The following DLG2 variants were observed in gnomAD, a reference collection of about 807,000 sequenced individuals.
DLG2 encodes the protein disks large homolog 2.
A neutral mutation model predicts 132.5 loss-of-function variants in DLG2; 45 were observed. The observed-to-expected ratio is 0.34, with a 90% CI of 0.27 to 0.44. The LOEUF (loss-of-function observed/expected upper bound fraction) is 0.44, where lower values mean the gene tolerates loss of function less well. DLG2 is among the 20% of genes least tolerant of loss of function. The pLI is 1.00. For missense variants in DLG2, 1,045 were observed against 1,196.9 expected (o/e 0.87, Z 1.87); for synonymous variants, 424 against 419.6 (o/e 1.01, Z -0.13).
At chr11:84,976,239 G>C (rs924225238) in intron 6 of DLG2, among the ~76,000 whole-genome samples, 1 of 152,156 alleles carries the variant, frequency 6.6e-6, no homozygotes, top group Admixed American at 6.6e-5. Context: ...ATGGGAAGTT[G>C]ATACATGTTT....
Position 84,777,309 on chromosome 11 carries a change from A to G in DLG2, c.358-242578T>C, listed in dbSNP as rs867376679. ...TATATATATATATATATATATATAT[A>G]TATATATATATATATACGTTTTCTT... On this transcript the variant is annotated intron_variant, in intron 6 of 27. Coordinates refer to ENST00000376104, the MANE Select transcript of DLG2 (RefSeq NM_001142699.3). Among the ~76,000 whole-genome samples, 35 of 134,910 alleles carry G rather than the reference A, an allele frequency of 2.6e-4. 1 individual carries two copies. Among genetic ancestry groups the G allele is most frequent in the African/African-American group, 9.2e-4 (34 of 36,910 alleles). The allele number at this position is 134,910 out of a possible 152,430, so 88.5% of individuals were successfully genotyped here.
At chr11:83,964,928 C>T (rs1193508829) in intron 13 of DLG2, among the ~76,000 whole-genome samples, 1 of 151,992 alleles carries the variant, frequency 6.6e-6, no homozygotes, top group African/African-American at 2.4e-5. Context: ...AATCATAGAG[C>T]TACCTCTGGT....
At chr11:84,947,489 G>A (rs1021780434) in intron 6 of DLG2, among the ~76,000 whole-genome samples, 5 of 152,260 alleles carry the variant, frequency 3.3e-5, no homozygotes, top group African/African-American at 1.2e-4. Context: ...CCCACTTATA[G>A]TTAGGCTGCC....
At chr11:84,398,660 A>G (rs1211875901) in intron 7 of DLG2, among the ~76,000 whole-genome samples, 1 of 152,214 alleles carries the variant, frequency 6.6e-6, no homozygotes, top group Non-Finnish European at 1.5e-5. Flanking sequence ...TTTTAGATGG[A>G]CAGCAAAGGT....
intron 3 of DLG2, among the ~76,000 whole-genome samples, chr11:85,396,363 T>C (rs1364624469): frequency 1.3e-5 from 2 of 152,050 alleles, no homozygotes; most frequent in South Asian, 2.1e-4. Context: ...AGAGAGCACC[T>C]CTTTTCCTCC....
At chr11:83,663,979 T>C (rs1168549263) in intron 18 of DLG2, among the ~76,000 whole-genome samples, 1 of 152,204 alleles carries the variant, frequency 6.6e-6, no homozygotes, top group Non-Finnish European at 1.5e-5. Context: ...TCATCCTGAT[T>C]CCTGATACTT....
chr11:84,226,293 C>T (rs780107308), intron 8 of DLG2, among the ~76,000 whole-genome samples: 13 of 152,144 alleles, frequency 8.5e-5, no homozygotes, highest in Admixed American at 3.9e-4. Context: ...TTGTTTGTAA[C>T]AGCAGATTAC....
intron 6 of DLG2, among the ~76,000 whole-genome samples, chr11:84,901,843 C>A (rs976074326): frequency 6.6e-6 from 1 of 151,898 alleles, no homozygotes; most frequent in Non-Finnish European, 1.5e-5. Flanking sequence ...ATTCTATAGC[C>A]ATTTCTATTG....
rs555481880 is a variant in DLG2 at position 84,325,284 on chromosome 11, C to T, written c.520-73993G>A. ...GGTGAAGGTTTTTTACATAGGTATA[C>T]GTGTGCCATGTTGGTTTGCTGCACC... On this transcript the variant is annotated intron_variant, in intron 7 of 27. Transcript: ENST00000376104. 3.9e-5 allele frequency among the ~76,000 whole-genome samples: 6 copies of T among 152,058 alleles called. No individual in the cohort carries two copies. The South Asian group carries it at 1.0e-3, about 26-fold the overall frequency.
At chr11:84,177,128 G>C (rs2095993520) in intron 8 of DLG2, among the ~76,000 whole-genome samples, 1 of 152,040 alleles carries the variant, frequency 6.6e-6, no homozygotes, top group African/African-American at 2.4e-5. Flanking sequence ...GAGAAGAGAT[G>C]GAAGAAAATT....
Position 84,896,488 on chromosome 11 carries a change from C to A in DLG2, c.357+215173G>T, listed in dbSNP as rs546596075. ...ATAAGAGAAGGTGTAATCCATTTAA[C>A]AAGTATTTACTGAGTAACAATGATA... On this transcript the variant is annotated intron_variant, in intron 6 of 27. Transcript: ENST00000376104. Among the ~76,000 whole-genome samples the A allele has an allele frequency of 1.5e-3, 225 of 152,140 alleles. 1 individual carries two copies. Among genetic ancestry groups the A allele is most frequent in the African/African-American group, 5.2e-3 (214 of 41,534 alleles).
chr11:84,860,465 G>A (rs1355886879), intron 6 of DLG2, among the ~76,000 whole-genome samples: 1 of 152,022 alleles, frequency 6.6e-6, no homozygotes, highest in African/African-American at 2.4e-5. Context: ...TGTATGGACT[G>A]GGATTTTCTA....
chr11:84,914,421 C>T (rs907390383), intron 6 of DLG2, among the ~76,000 whole-genome samples: 11 of 152,198 alleles, frequency 7.2e-5, no homozygotes, highest in African/African-American at 9.7e-5. Context: ...ATATTCACTG[C>T]ATTAATACTA....
intron 6 of DLG2, among the ~76,000 whole-genome samples, chr11:84,659,315 T>C (rs1039137882): frequency 5.9e-5 from 9 of 152,128 alleles, no homozygotes; most frequent in African/African-American, 2.2e-4. Context: ...GTGGGCTCTC[T>C]ATTCTGCCCC....
intron 18 of DLG2, among the ~76,000 whole-genome samples, chr11:83,719,173 T>C (rs1457733169): frequency 6.6e-6 from 1 of 152,170 alleles, no homozygotes; most frequent in African/African-American, 2.4e-5. Flanking sequence ...GAAAAGTCTG[T>C]AGGTGTATGC....
chr11:84,291,655 G>A (rs1335601520), intron 7 of DLG2, among the ~76,000 whole-genome samples: 1 of 152,136 alleles, frequency 6.6e-6, no homozygotes, highest in African/African-American at 2.4e-5. Flanking sequence ...ATGACACAAA[G>A]ATCAGAGAGG....
intron 6 of DLG2, among the ~76,000 whole-genome samples, chr11:85,009,373 G>A (rs1230678111): frequency 6.6e-6 from 1 of 152,098 alleles, no homozygotes; most frequent in Non-Finnish European, 1.5e-5. Context: ...TGATTGAGCT[G>A]CTAAAACAAA....
At chr11:85,447,504 T>C (rs548592701) in intron 3 of DLG2, among the ~76,000 whole-genome samples, 35 of 152,230 alleles carry the variant, frequency 2.3e-4, no homozygotes, top group African/African-American at 6.7e-4. Context: ...AAGGGGAAGA[T>C]AGCCATCTGC....
intron 6 of DLG2, among the ~76,000 whole-genome samples, chr11:84,613,069 C>T (rs897188631): frequency 3.3e-5 from 5 of 152,044 alleles, no homozygotes; most frequent in African/African-American, 1.2e-4. Flanking sequence ...TGCATTGCTC[C>T]GTGAGGCAGT....
Sources: allele counts gnomAD v4.1 joint callset (sites outside exome capture counted in the v4.1 genomes callset), GRCh38; gene constraint gnomAD v4.1.1; transcripts MANE v1.5; gene names NCBI Gene and HGNC (gene_info 2026-07-23, HGNC 2026-07-21).